GLIS1: variants seen among roughly 807,000 people sequenced by gnomAD.
The protein encoded by GLIS1 is zinc finger protein GLIS1.
In GLIS1, 24 loss-of-function variants were observed where a neutral mutation model predicts 63.8. That is an observed-to-expected ratio of 0.38 (90% confidence interval 0.27 to 0.53). GLIS1 has a LOEUF of 0.53. Among genes scored for constraint, GLIS1 ranks in the 20% least tolerant of loss-of-function variants. The pLI, the probability that GLIS1 is intolerant of heterozygous loss-of-function variation, is 0.85. For synonymous variants in GLIS1, 450 were observed against 482.5 expected (o/e 0.93, Z 0.88); for missense variants, 1,036 against 1,074.1 (o/e 0.96, Z 0.50).
chr1:53,662,529 G>A (rs1056047748), intron 2 of GLIS1, among the ~76,000 whole-genome samples: 6 of 152,116 alleles, frequency 3.9e-5, no homozygotes, highest in Admixed American at 3.3e-4. Flanking sequence ...ACCCCAAGTG[G>A]CCAAAAATAA....
chr1:53,558,960 C>T (rs757444884), intron 4 of GLIS1, among the ~76,000 whole-genome samples: 1 of 152,214 alleles, frequency 6.6e-6, no homozygotes, highest in Non-Finnish European at 1.5e-5. Flanking sequence ...GTTAAAACAT[C>T]TGGAAGGCAG....
At chr1:53,578,652 G>GA (rs1360668764) in intron 4 of GLIS1, among the ~76,000 whole-genome samples, 2 of 152,298 alleles carry the variant, frequency 1.3e-5, no homozygotes, top group East Asian at 1.9e-4. Flanking sequence ...GAAGCTCCAG[G>GA]AAAATATACG....
At chr1:53,561,810 C>T (rs1287011076) in intron 4 of GLIS1, among the ~76,000 whole-genome samples, 1 of 152,140 alleles carries the variant, frequency 6.6e-6, no homozygotes, top group Non-Finnish European at 1.5e-5. Flanking sequence ...GAAAACATGC[C>T]GGCAAACAGG....
At chr1:53,595,994 G>A (rs921065365) in intron 3 of GLIS1, among the ~76,000 whole-genome samples, 7 of 152,230 alleles carry the variant, frequency 4.6e-5, no homozygotes, top group African/African-American at 9.6e-5. Flanking sequence ...TTGAGATCAG[G>A]CTCAGCCACA....
rs112780974 is a variant in GLIS1 at position 53,526,526 on chromosome 1, T to TAC, written c.1483-1641_1483-1640dup. Among the ~76,000 whole-genome samples the TAC allele has an allele frequency of 0.021, 3,106 of 144,946 alleles. 53 individuals carry two copies. Among genetic ancestry groups the TAC allele is most frequent in the East Asian group, 0.1 (493 of 4,892 alleles). On this transcript the variant is annotated intron_variant, in intron 5 of 10. Coordinates refer to ENST00000628545, the MANE Select transcript of GLIS1 (RefSeq NM_001367484.1). This position sits in a 1 kb window ranked among gnomAD's most constrained non-coding sequence, Gnocchi z 4.4. ...GGTAGGCTCCCTCTCTCACACACCA[T>TAC]ACACACACACACACACACACACACA...
intron 2 of GLIS1, among the ~76,000 whole-genome samples, chr1:53,699,858 ACCCTCATGG>A (rs1646504820): frequency 6.6e-6 from 1 of 151,944 alleles, no homozygotes; most frequent in Non-Finnish European, 1.5e-5. Flanking sequence ...TGAGGCCCCC[ACCCTCATGG>A]CCTCACCTAA....
In GLIS1 at chr1:53,506,442, G is replaced by A. The variant is rs2296760; in HGVS notation, c.*177C>T. Reference sequence around the variant, plus strand: ...CCTCTGTGCGCCCAGCTCAAGCTCGGATGGCGGCTCCCTGGCAGCGCTGGG... The same window carrying A: ...CCTCTGTGCGCCCAGCTCAAGCTCGAATGGCGGCTCCCTGGCAGCGCTGGG... On this transcript the variant is annotated 3_prime_UTR_variant, in exon 11 of 11. Transcript: ENST00000628545. 21,991 of 637,988 alleles carry A rather than the reference G, an allele frequency of 0.034. 957 individuals are homozygous for A. The highest frequency in any genetic ancestry group is 0.15 in the African/African-American group (8,100 of 54,662). 39.5% of individuals were successfully genotyped at this position (637,988 alleles called of 1,614,324 possible).
intron 2 of GLIS1, among the ~76,000 whole-genome samples, chr1:53,651,539 G>A (rs543015426): frequency 3.9e-5 from 6 of 152,274 alleles, no homozygotes; most frequent in African/African-American, 1.4e-4. Flanking sequence ...CCTCTTGGGT[G>A]CCAAGGGGCT....
intron 2 of GLIS1, among the ~76,000 whole-genome samples, chr1:53,658,664 G>A (rs1002322673): frequency 9.2e-5 from 14 of 152,170 alleles, no homozygotes; most frequent in Non-Finnish European, 1.5e-4. Flanking sequence ...CCTCTGGGCC[G>A]AAGCTGCCCC....
intron 2 of GLIS1, among the ~76,000 whole-genome samples, chr1:53,671,208 C>T (rs1313059017): frequency 6.6e-6 from 1 of 152,132 alleles, no homozygotes; most frequent in Admixed American, 6.5e-5. Flanking sequence ...AAATAATTTA[C>T]AGAAGAACAG....
Position 53,711,373 on chromosome 1 carries a change from T to C in GLIS1, c.259+26433A>G, listed in dbSNP as rs145729810. Among the ~76,000 whole-genome samples, 695 of 152,154 alleles carry C rather than the reference T, an allele frequency of 4.6e-3. 3 individuals are homozygous for C. Among genetic ancestry groups the C allele is most frequent in the African/African-American group, 0.016 (674 of 41,508 alleles). On this transcript the variant is annotated intron_variant, in intron 2 of 10. Coordinates refer to ENST00000628545, the MANE Select transcript of GLIS1 (RefSeq NM_001367484.1). Reference sequence around the variant, plus strand: ...ACCATCACAGTGGACCCCATCAGTATGTACAATCATCATGTGTCAATTAAA... The same window carrying C: ...ACCATCACAGTGGACCCCATCAGTACGTACAATCATCATGTGTCAATTAAA...
At chr1:53,552,259 G>T (rs1644767637) in intron 4 of GLIS1, among the ~76,000 whole-genome samples, 1 of 152,048 alleles carries the variant, frequency 6.6e-6, no homozygotes, top group African/African-American at 2.4e-5. Context: ...GCTATAGGTG[G>T]AAAGTGTGTC....
At position 53,600,224 on chromosome 1, in the gene GLIS1, A is replaced by T. The variant is rs1032467683; in HGVS notation, c.314T>A (p.Leu105Gln). Residue 105 changes from leucine (L) to glutamine (Q), a missense_variant, in exon 3 of 11, where the codon CTG becomes CAG. Physicochemically the swap from Leu to Gln is moderately radical, Grantham distance 113. Transcript: ENST00000628545. Reference protein sequence around the residue: ...TPGSEKSLLDLDLAEGPGPTC... With the variant: ...TPGSEKSLLDQDLAEGPGPTC... ...GGGGCCAGGGCCCTCAGCAAGGTCC[A>T]GGTCCAGCAGGCTCTTCTCTGAGCC... The T allele has an allele frequency of 1.5e-5, 18 of 1,231,998 alleles. No homozygotes were observed. Among genetic ancestry groups the T allele is most frequent in the Non-Finnish European group, 1.8e-5 (18 of 987,920 alleles). 76.3% of individuals were successfully genotyped at this position (1,231,998 alleles called of 1,614,324 possible).
chr1:53,514,159 C>T (rs895415812), intron 8 of GLIS1, among the ~76,000 whole-genome samples: 1 of 152,236 alleles, frequency 6.6e-6, no homozygotes. Flanking sequence ...CCCCGCAGGC[C>T]GGGCAATGCC....
At chr1:53,673,260 TAGCAGTGATAAAATGACTCTGAA>T (rs1646174658) in intron 2 of GLIS1, among the ~76,000 whole-genome samples, 1 of 152,190 alleles carries the variant, frequency 6.6e-6, no homozygotes. Flanking sequence ...GATTTAGAGA[TAGCAGTGATAAAATGACTCTGAA>T]AGGGCCTAGA....
At chr1:53,545,229 G>C (rs889071871) in intron 4 of GLIS1, among the ~76,000 whole-genome samples, 4 of 152,114 alleles carry the variant, frequency 2.6e-5, no homozygotes, top group Non-Finnish European at 4.4e-5. Context: ...CATCAACACG[G>C]CAGTAACACA....
chr1:53,726,552 C>T (rs1318629631), intron 2 of GLIS1, among the ~76,000 whole-genome samples: 2 of 152,058 alleles, frequency 1.3e-5, no homozygotes, highest in East Asian at 3.9e-4. Context: ...CAACTCCCAG[C>T]CCAATAAACT....
chr1:53,538,682 C>A (rs1644607382), intron 4 of GLIS1, among the ~76,000 whole-genome samples: 1 of 152,170 alleles, frequency 6.6e-6, no homozygotes, highest in Non-Finnish European at 1.5e-5. Flanking sequence ...CCATACACCT[C>A]CTCTGGGAGC....
chr1:53,537,077 C>T (rs981430885), intron 4 of GLIS1, among the ~76,000 whole-genome samples: 1 of 152,216 alleles, frequency 6.6e-6, no homozygotes, highest in Non-Finnish European at 1.5e-5. Flanking sequence ...TGCTGCGTGC[C>T]GCTCACAGAG....
Sources: allele counts gnomAD v4.1 joint callset (sites outside exome capture counted in the v4.1 genomes callset), GRCh38; gene constraint gnomAD v4.1.1; non-coding constraint Gnocchi (gnomAD v3.1); transcripts MANE v1.5; gene names NCBI Gene and HGNC (gene_info 2026-07-23, HGNC 2026-07-21).